The following ALPK3 variants were observed in gnomAD, a reference collection of about 807,000 sequenced individuals.
The protein encoded by ALPK3 is alpha-protein kinase 3.
A neutral mutation model predicts 140.0 loss-of-function variants in ALPK3; 102 were observed. That is an observed-to-expected ratio of 0.73 (90% confidence interval 0.62 to 0.86). ALPK3 has a LOEUF of 0.86. Ranked by LOEUF, ALPK3 falls within the 40% of genes least tolerant of loss-of-function variation. The pLI is 0.00. For synonymous variants in ALPK3, 938 were observed against 898.5 expected (o/e 1.04, Z -0.79); for missense variants, 2,254 against 2,208.2 (o/e 1.02, Z -0.42).
In ALPK3 at chr15:84,858,098, G is replaced by A. The variant is rs1963890363; in HGVS notation, c.3360G>A (p.Gly1120=). Residue 1120 remains glycine (G), a synonymous_variant, in exon 6 of 14, where the codon GGG becomes GGA. Coordinates refer to ENST00000258888, the MANE Select transcript of ALPK3 (RefSeq NM_020778.5). ...SMAGRLGEAG[G]QAAPGQGPSA... ...CTGGTCGACTGGGGGAGGCGGGTGG[G>A]CAGGCAGCCCCTGGACAGGGGCCCT... is the stretch of plus-strand genomic sequence containing the variant. 6.4e-7 allele frequency: 1 copy of A among 1,569,482 alleles called. No homozygotes were observed. Among genetic ancestry groups the A allele is most frequent in the Non-Finnish European group, 8.6e-7 (1 of 1,161,210 alleles).
chr15:84,862,345 G>A (rs1438035335), intron 9 of ALPK3, among the ~76,000 whole-genome samples: 1 of 152,004 alleles, frequency 6.6e-6, no homozygotes, highest in Non-Finnish European at 1.5e-5. Context: ...AACACATCCT[G>A]AGCACTGTGT....
At chr15:84,850,415 C>G (rs1188119756) in intron 5 of ALPK3, among the ~76,000 whole-genome samples, 2 of 152,154 alleles carry the variant, frequency 1.3e-5, no homozygotes, top group African/African-American at 4.8e-5. Context: ...CAGGGTCTTA[C>G]TCTATTGCCC....
chr15:84,859,434 G>A (rs1181997351), intron 7 of ALPK3, 44 bp downstream of exon 7: 1 of 1,609,502 alleles, frequency 6.2e-7, no homozygotes, highest in South Asian at 1.1e-5. Flanking sequence ...CTCCCTGATT[G>A]CAGTAATACC....
rs967558915 is a variant in ALPK3 at position 84,871,437 on chromosome 15, G to A, written c.*2981G>A. 2 of 152,212 alleles carry A rather than the reference G, an allele frequency of 1.3e-5. No individual in the cohort carries two copies. The highest frequency in any genetic ancestry group is 2.4e-5 in the African/African-American group (1 of 41,442). The allele number at this position is 152,212 out of a possible 1,614,324, so 9.4% of individuals were successfully genotyped here. A position where few individuals can be genotyped will look rare whatever the true frequency, so the allele number is the denominator to read the frequency against. On this transcript the variant is annotated 3_prime_UTR_variant, in exon 14 of 14. Transcript: ENST00000258888. ...CTTTATAATGAGCCTGAAGTGGCCT[G>A]GTGGCTGCCTCAGCTTCCAGTTCAG...
rs1433069184 is a variant in ALPK3 at position 84,858,221 on chromosome 15, A to G, written c.3483A>G (p.Leu1161=). Residue 1161 remains leucine (L), a synonymous_variant, in exon 6 of 14, where the codon CTA becomes CTG. Transcript: ENST00000258888. ...CAGCTACACCTGAGGAACTGGCTCTAGGGGCCCGGAGGAAGAGATTTCTCC... is the reference window on the plus strand; with the variant it reads ...CAGCTACACCTGAGGAACTGGCTCTGGGGGCCCGGAGGAAGAGATTTCTCC... ...LPAATPEELA[L]GARRKRFLPK... 1 of 1,611,182 alleles carries G rather than the reference A, an allele frequency of 6.2e-7. No individual in the cohort carries two copies. Among genetic ancestry groups the G allele is most frequent in the Admixed American group, 1.7e-5 (1 of 59,716 alleles).
Position 84,840,922 on chromosome 15 carries a change from C to G in ALPK3, c.1643C>G (p.Thr548Ser). The change falls in exon 5 of 14, where the codon ACT becomes AGT. Residue 548 changes from threonine (T) to serine (S), a missense_variant. Around this residue, in one of 3 missense-constraint regions of ALPK3, gnomAD observed 2,088 missense variants for 2,022.9 expected, o/e 1.03. Transcript: ENST00000258888. ...TTGCAGGGGCAAGCAGGCCACAGGA[C>G]TCCAGGAGAGGTAAGTGTGGGTGTT... ...STLQGQAGHR[T>S]PGEVLECQTT... The G allele has an allele frequency of 6.3e-7, 1 of 1,587,314 alleles. No individual in the cohort carries two copies. The highest frequency in any genetic ancestry group is 1.7e-4 in the Middle Eastern group (1 of 5,904).
intron 5 of ALPK3, among the ~76,000 whole-genome samples, chr15:84,845,033 T>C (rs956285232): frequency 6.6e-6 from 1 of 152,222 alleles, no homozygotes; most frequent in African/African-American, 2.4e-5. Context: ...AGGCAAAATG[T>C]ATAATACACC....
At position 84,868,859 on chromosome 15, in the gene ALPK3, C is replaced by A. The variant is rs1964035053; in HGVS notation, c.*403C>A. 3 of 206,162 alleles carry A rather than the reference C, an allele frequency of 1.5e-5. No individual in the cohort carries two copies. The highest frequency in any genetic ancestry group is 1.0e-4 in the Admixed American group (2 of 19,230). 12.8% of individuals were successfully genotyped at this position (206,162 alleles called of 1,614,324 possible). ...TACAATCTGAGTGAGGACATGCAGG[C>A]CAACTTTTACCCTCCTGCATTTGCC... is the stretch of plus-strand genomic sequence containing the variant. On this transcript the variant is annotated 3_prime_UTR_variant, in exon 14 of 14. Coordinates refer to ENST00000258888, the MANE Select transcript of ALPK3 (RefSeq NM_020778.5).
At position 84,870,428 on chromosome 15, in the gene ALPK3, G is replaced by C. The variant is rs1206668046; in HGVS notation, c.*1972G>C. On this transcript the variant is annotated 3_prime_UTR_variant, in exon 14 of 14. Transcript: ENST00000258888. ...TATGCCAGACCCTGGGCTGGCAGCT[G>C]TTTGGAGGCAAAGATGTATGAGGCC... 1 of 152,244 alleles carries C rather than the reference G, an allele frequency of 6.6e-6. No individual in the cohort carries two copies. The highest frequency in any genetic ancestry group is 2.4e-5 in the African/African-American group (1 of 41,458). 9.4% of individuals were successfully genotyped at this position (152,244 alleles called of 1,614,324 possible). A position where few individuals can be genotyped will look rare whatever the true frequency, so the allele number is the denominator to read the frequency against.
intron 6 of ALPK3, 126 bp downstream of exon 6, chr15:84,858,681 T>G (rs1480287965): frequency 1.5e-6 from 2 of 1,367,546 alleles, no homozygotes; most frequent in Non-Finnish European, 1.9e-6. Context: ...ATAAATTACC[T>G]TGGTAAAGGT....
At chr15:84,820,981 C>T (rs1467063435) in intron 1 of ALPK3, among the ~76,000 whole-genome samples, 2 of 99,966 alleles carry the variant, frequency 2.0e-5, no homozygotes, top group Admixed American at 1.9e-4. Flanking sequence ...TTCCAACCCA[C>T]CTCCAACCCT....
rs1326237894 is a variant in ALPK3, at chr15:84,870,066, C to G, written c.*1610C>G. ...ACAGAGCTGGGGGCTCTGGAAACGC[C>G]CTGTGTCTCTGGCTACAGCAAGACC... On this transcript the variant is annotated 3_prime_UTR_variant, in exon 14 of 14. Transcript: ENST00000258888. 2 of 152,178 alleles carry G rather than the reference C, an allele frequency of 1.3e-5. No individual in the cohort carries two copies. Among genetic ancestry groups the G allele is most frequent in the African/African-American group, 4.8e-5 (2 of 41,440 alleles). The allele number at this position is 152,178 out of a possible 1,614,324, so 9.4% of individuals were successfully genotyped here.
At chr15:84,825,967 A>G (rs1963481799) in intron 2 of ALPK3, among the ~76,000 whole-genome samples, 1 of 152,142 alleles carries the variant, frequency 6.6e-6, no homozygotes, top group Non-Finnish European at 1.5e-5. Context: ...GTGTTACAGA[A>G]CATGTCTAAC....
chr15:84,840,161 A>C lies in ALPK3; in HGVS notation c.882A>C (p.Thr294=). The change falls in exon 5 of 14, where the codon ACA becomes ACC. Residue 294 remains threonine (T), a synonymous_variant. Transcript: ENST00000258888. ...AGGACGGAGAGCATGGCTTGCTGACATACATCTGTGACGCCATGGAGCTGG... is the reference window on the plus strand; with the variant it reads ...AGGACGGAGAGCATGGCTTGCTGACCTACATCTGTGACGCCATGGAGCTGG... ...NGEDGEHGLL[T]YICDAMELGP... 1 of 1,613,916 alleles carries C rather than the reference A, an allele frequency of 6.2e-7. No individual in the cohort carries two copies.
chr15:84,862,524 C>A, intron 9 of ALPK3, 111 bp from the exon 10 acceptor site: 2 of 1,350,342 alleles, frequency 1.5e-6, no homozygotes, highest in Non-Finnish European at 2.0e-6. Flanking sequence ...GGAAAGTGAG[C>A]CCAGCAGGTT....
chr15:84,840,852 C>T lies in ALPK3; in HGVS notation c.1573C>T (p.Pro525Ser). 1 of 1,614,132 alleles carries T rather than the reference C, an allele frequency of 6.2e-7. No homozygotes were observed. The highest frequency in any genetic ancestry group is 8.5e-7 in the Non-Finnish European group (1 of 1,180,004). ...CCCACCTCAGGCCTCTGTGCAGGTGCCGACGCCCCCTGCCCGGCGGAGACA... is the reference window on the plus strand; with the variant it reads ...CCCACCTCAGGCCTCTGTGCAGGTGTCGACGCCCCCTGCCCGGCGGAGACA... ...KAPPQASVQV[P>S]TPPARRRHGT... Residue 525 changes from proline to serine, a missense_variant, in exon 5 of 14, where the codon CCG becomes TCG. This residue lies in a region of ALPK3 where 2,088 missense variants were observed against 2,022.9 expected (regional missense o/e 1.03). Coordinates refer to ENST00000258888, the MANE Select transcript of ALPK3 (RefSeq NM_020778.5).
intron 3 of ALPK3, among the ~76,000 whole-genome samples, chr15:84,830,881 A>G (rs2340652): frequency 0.2 from 30,025 of 151,032 alleles, 3,737 homozygotes; most frequent in Middle Eastern, 0.38. Context: ...GTGTGTGTGT[A>G]TGTGTGTGTG....
chr15:84,858,091 C>T lies in ALPK3; in HGVS notation c.3353C>T (p.Ala1118Val), dbSNP rs200275512. The T allele has an allele frequency of 3.4e-4, 527 of 1,567,260 alleles. 2 individuals are homozygous for T. Among genetic ancestry groups the T allele is most frequent in the Admixed American group, 1.3e-4 (7 of 52,280 alleles). The part of the protein sequence containing the change: ...ESSMAGRLGE[A>V]GGQAAPGQGP... ...AGCATGGCTGGTCGACTGGGGGAGG[C>T]GGGTGGGCAGGCAGCCCCTGGACAG... The change falls in exon 6 of 14, where the codon GCG becomes GTG. Residue 1118 changes from alanine to valine, a missense_variant. By Grantham distance (64) the Ala-to-Val change is moderately conservative (BLOSUM62 0). Around this residue, in one of 3 missense-constraint regions of ALPK3, gnomAD observed 2,088 missense variants for 2,022.9 expected, o/e 1.03. Transcript: ENST00000258888.
Position 84,873,200 on chromosome 15 carries a change from C to T in ALPK3, c.*4744C>T, listed in dbSNP as rs1325397006. The T allele has an allele frequency of 1.3e-5, 2 of 152,176 alleles. No homozygotes were observed. Among genetic ancestry groups the T allele is most frequent in the Non-Finnish European group, 2.9e-5 (2 of 68,032 alleles). The allele number at this position is 152,176 out of a possible 1,614,324, so 9.4% of individuals were successfully genotyped here. On this transcript the variant is annotated 3_prime_UTR_variant, in exon 14 of 14. Transcript: ENST00000258888. The stretch of plus-strand genomic sequence containing the variant: ...TATTTCTCGTGGCAAGAAGGGAGCT[C>T]ATCTTCTGGGTCCTGCCAGAGGGCA...
Sources: allele counts gnomAD v4.1 joint callset (sites outside exome capture counted in the v4.1 genomes callset), GRCh38; gene constraint gnomAD v4.1.1; regional missense constraint gnomAD v4.1.1; transcripts MANE v1.5; gene names NCBI Gene and HGNC (gene_info 2026-07-23, HGNC 2026-07-21).